SRC: variants seen among roughly 807,000 people sequenced by gnomAD.
SRC encodes the protein proto-oncogene tyrosine-protein kinase Src.
Under a neutral mutation model 62.9 loss-of-function variants are expected in SRC, and 13 were observed. The observed-to-expected ratio is 0.21, with a 90% CI of 0.13 to 0.33. SRC has a LOEUF of 0.33. Ranked by LOEUF, SRC falls within the 10% of genes least tolerant of loss-of-function variation. The pLI, the probability that SRC is intolerant of heterozygous loss-of-function variation, is 1.00. For missense variants in SRC, 457 were observed against 737.3 expected (o/e 0.62, Z 4.40); for synonymous variants, 302 against 317.5 (o/e 0.95, Z 0.52).
At chr20:37,382,095 C>T (rs183098651) in intron 2 of SRC, among the ~76,000 whole-genome samples, 35 of 152,294 alleles carry the variant, frequency 2.3e-4, no homozygotes, top group African/African-American at 8.2e-4. Flanking sequence ...AGTCAGGGGG[C>T]CTTTTCCCCA....
At chr20:37,380,440 C>T (rs2070349048) in intron 2 of SRC, among the ~76,000 whole-genome samples, 1 of 152,160 alleles carries the variant, frequency 6.6e-6, no homozygotes, top group African/African-American at 2.4e-5. Context: ...TAGTATTTAC[C>T]TCCTAGATTA....
At chr20:37,374,624 G>A (rs1418419632) in intron 2 of SRC, among the ~76,000 whole-genome samples, 1 of 143,982 alleles carries the variant, frequency 6.9e-6, no homozygotes, top group Non-Finnish European at 1.5e-5. Context: ...GCCCAGGCTG[G>A]AGTACAGTAG....
At chr20:37,400,029 C>T in intron 9 of SRC, 86 bp from the exon 10 acceptor site, 1 of 1,386,688 alleles carries the variant, frequency 7.2e-7, no homozygotes, top group Non-Finnish European at 9.6e-7. Context: ...ACAGCTGACA[C>T]TGGCGCCCAG....
rs1477256659 is a variant in SRC at position 37,382,774 on chromosome 20, T to G, written c.-17T>G. 6.6e-6 allele frequency: 1 copy of G among 152,166 alleles called. No homozygotes were observed. The highest frequency in any genetic ancestry group is 1.5e-5 in the Non-Finnish European group (1 of 68,032). 9.4% of individuals were successfully genotyped at this position (152,166 alleles called of 1,614,324 possible). The stretch of plus-strand genomic sequence containing the variant: ...CTCCCAGGTCCTCTGGGACAGCCCC[T>G]GCCTTCTACCAGGTGAGATGATGGC... On this transcript the variant is annotated 5_prime_UTR_variant, in exon 3 of 14. Coordinates refer to ENST00000373578, the MANE Select transcript of SRC (RefSeq NM_198291.3).
intron 5 of SRC, among the ~76,000 whole-genome samples, chr20:37,392,597 A>G (rs1026464025): frequency 1.3e-5 from 2 of 152,140 alleles, no homozygotes; most frequent in African/African-American, 4.8e-5. Flanking sequence ...CCCTGCTGCA[A>G]CCTGCAGGGG....
At position 37,397,699 on chromosome 20, in the gene SRC, A is replaced by G. The variant is rs1400593225; in HGVS notation, c.704A>G (p.Lys235Arg). The G allele has an allele frequency of 6.4e-7, 1 of 1,573,858 alleles. No individual in the cohort carries two copies. The highest frequency in any genetic ancestry group is 8.6e-7 in the Non-Finnish European group (1 of 1,157,958). ...SLQQLVAYYS[K>R]HADGLCHRLT... ...ACTGCTCCTCCTGCCTCCTCCTCAGAACACGCCGATGGCCTGTGCCACCGC... is the reference window on the plus strand; with the variant it reads ...ACTGCTCCTCCTGCCTCCTCCTCAGGACACGCCGATGGCCTGTGCCACCGC... Residue 235 changes from lysine (K) to arginine (R), a missense_variant and splice_region_variant, in exon 9 of 14, where the codon AAA (lysine) becomes AGA (arginine). Lys to Arg is a conservative substitution (Grantham distance 26). Around this residue, in one of 4 missense-constraint regions of SRC, gnomAD observed 141 missense variants for 198.4 expected, o/e 0.71. Transcript: ENST00000373578. This position sits in a 1 kb window ranked among gnomAD's most constrained non-coding sequence, Gnocchi z 4.1.
At chr20:37,377,152 A>C (rs867705730) in intron 2 of SRC, among the ~76,000 whole-genome samples, 3 of 152,222 alleles carry the variant, frequency 2.0e-5, no homozygotes, top group Non-Finnish European at 4.4e-5. Flanking sequence ...TTGGCATTCA[A>C]GGCCCTGCCA....
At chr20:37,371,651 T>C (rs2070167040) in intron 2 of SRC, among the ~76,000 whole-genome samples, 1 of 152,166 alleles carries the variant, frequency 6.6e-6, no homozygotes, top group Admixed American at 6.5e-5. Flanking sequence ...CACAGTGTCT[T>C]AAGGTAGAAG....
At chr20:37,373,158 A>ATACG (rs1568628009) in intron 2 of SRC, among the ~76,000 whole-genome samples, 2 of 95,386 alleles carry the variant, frequency 2.1e-5, no homozygotes, top group African/African-American at 1.6e-4. Flanking sequence ...ATACACACAT[A>ATACG]CACACATATA....
chr20:37,365,357 CA>C (rs2146956248), intron 2 of SRC, 80 bp downstream of exon 2: 1 of 151,782 alleles, frequency 6.6e-6, no homozygotes, highest in East Asian at 1.9e-4. Flanking sequence ...CACACACACA[CA>C]CACACACACA....
Position 37,384,132 on chromosome 20 carries a change from T to C in SRC, c.-4-18T>C. ...CGGCAGCCCTGCCTGTTCCAGTGTC[T>C]TCTCTCTCTCCTGCCAGGACCATGG... On this transcript the variant is annotated intron_variant, in intron 3 of 13. Coordinates refer to ENST00000373578, the MANE Select transcript of SRC (RefSeq NM_198291.3). This position sits in a 1 kb window ranked among gnomAD's most constrained non-coding sequence, Gnocchi z 6.7. 2 of 1,597,442 alleles carry C rather than the reference T, an allele frequency of 1.3e-6. No individual in the cohort carries two copies. The highest frequency in any genetic ancestry group is 1.7e-4 in the Middle Eastern group (1 of 6,026).
At position 37,403,121 on chromosome 20, in the gene SRC, C is replaced by T. The variant is rs758183983; in HGVS notation, c.1403-50C>T. ...TGCCCTCCCCATCAGCTTCCCCCAC[C>T]CCACTTTCCTCACCGGAGCCGGGCT... is the stretch of plus-strand genomic sequence containing the variant. On this transcript the variant is annotated intron_variant, in intron 13 of 13. Coordinates refer to ENST00000373578, the MANE Select transcript of SRC (RefSeq NM_198291.3). This position sits in a 1 kb window ranked among gnomAD's most constrained non-coding sequence, Gnocchi z 7.1. 1.5e-5 allele frequency: 23 copies of T among 1,484,880 alleles called. No homozygotes were observed. The highest frequency in any genetic ancestry group is 2.1e-5 in the Non-Finnish European group (23 of 1,115,390). The allele number at this position is 1,484,880 out of a possible 1,614,324, so 92.0% of individuals were successfully genotyped here.
rs2070654674 is a variant in SRC at position 37,396,524 on chromosome 20, TC to T, written c.703+218del. 9.6e-6 allele frequency: 6 copies of T among 624,532 alleles called. No homozygotes were observed. Among genetic ancestry groups the T allele is most frequent in the Non-Finnish European group, 1.6e-5 (6 of 364,118 alleles). 38.7% of individuals were successfully genotyped at this position (624,532 alleles called of 1,614,324 possible). ...TTTCCCCCAGCCCCCCTCCTCCCTG[TC>T]CCCCTCTCTCCCTGCTCCACGCAGT... On this transcript the variant is annotated intron_variant, in intron 8 of 13. Transcript: ENST00000373578. The surrounding 1 kb of genome is among the most constrained non-coding windows in gnomAD (Gnocchi z 6.1).
At position 37,404,012 on chromosome 20, in the gene SRC, C is replaced by T. The variant is rs923453449; in HGVS notation, c.*633C>T. 7 of 235,114 alleles carry T rather than the reference C, an allele frequency of 3.0e-5. No individual in the cohort carries two copies. Among genetic ancestry groups the T allele is most frequent in the East Asian group, 1.8e-4 (3 of 16,602 alleles). The allele number at this position is 235,114 out of a possible 1,614,324, so 14.6% of individuals were successfully genotyped here. A position where few individuals can be genotyped will look rare whatever the true frequency, so the allele number is the denominator to read the frequency against. ...CCCTCCTTAGACCTGAGGGACCCTT[C>T]GAGATCATCACTTCCTTGCCCCCAT... On this transcript the variant is annotated 3_prime_UTR_variant, in exon 14 of 14. Transcript: ENST00000373578.
chr20:37,362,249 G>T (rs965678455), intron 1 of SRC, among the ~76,000 whole-genome samples: 16 of 151,126 alleles, frequency 1.1e-4, no homozygotes, highest in Admixed American at 2.0e-4. Flanking sequence ...TTGTAGCGAT[G>T]GGGGTCTCAC....
intron 1 of SRC, among the ~76,000 whole-genome samples, chr20:37,350,217 G>A (rs1393098539): frequency 2.0e-5 from 3 of 152,208 alleles, no homozygotes; most frequent in Admixed American, 1.3e-4. Flanking sequence ...CACTTCCTCT[G>A]GGGAGCCTCA....
intron 1 of SRC, among the ~76,000 whole-genome samples, chr20:37,359,991 T>A (rs990187304): frequency 3.3e-5 from 5 of 151,908 alleles, no homozygotes; most frequent in African/African-American, 1.2e-4. Context: ...CATGAACCCA[T>A]CGCTGAGCCA....
Position 37,351,009 on chromosome 20 carries a change from C to G in SRC, c.-247+4754C>G, listed in dbSNP as rs907847080. Reference sequence around the variant, plus strand: ...TACGCTGGGAGAAAAATGCAGAGCTCTTGTCTTCGATCCAGGACTCTCCCC... The same window carrying G: ...TACGCTGGGAGAAAAATGCAGAGCTGTTGTCTTCGATCCAGGACTCTCCCC... On this transcript the variant is annotated intron_variant, in intron 1 of 13. Coordinates refer to ENST00000373578, the MANE Select transcript of SRC (RefSeq NM_198291.3). This position sits in a 1 kb window ranked among gnomAD's most constrained non-coding sequence, Gnocchi z 4.4. Among the ~76,000 whole-genome samples the G allele has an allele frequency of 6.6e-6, 1 of 152,178 alleles. No homozygotes were observed. Among genetic ancestry groups the G allele is most frequent in the African/African-American group, 2.4e-5 (1 of 41,430 alleles).
intron 5 of SRC, among the ~76,000 whole-genome samples, chr20:37,389,960 C>T (rs1170827959): frequency 6.6e-6 from 1 of 152,200 alleles, no homozygotes; most frequent in Non-Finnish European, 1.5e-5. Context: ...TCCCTGATGG[C>T]TTGATGCTGC....
Sources: gnomAD v4.1 joint callset for allele counts (sites outside exome capture counted in the v4.1 genomes callset) on GRCh38, gnomAD v4.1.1 for gene constraint, gnomAD v4.1.1 regional missense constraint, Gnocchi (gnomAD v3.1) non-coding constraint, MANE v1.5 for transcripts, NCBI Gene and HGNC (gene_info 2026-07-23, HGNC 2026-07-21) for gene names.